AOAH: variants seen among roughly 807,000 people sequenced by gnomAD.
The protein encoded by AOAH is acyloxyacyl hydrolase (neutrophil).
Under a neutral mutation model 92.2 loss-of-function variants are expected in AOAH, and 64 were observed. The observed-to-expected ratio is 0.69, with a 90% confidence interval of 0.57 to 0.86. The LOEUF (loss-of-function observed/expected upper bound fraction) is 0.86, where lower values mean the gene tolerates loss of function less well. AOAH is among the 40% of genes least tolerant of loss of function. The probability of loss-of-function intolerance (pLI) is 0.00; values close to 1 mark genes in which losing one functional copy is unlikely to be tolerated. For synonymous variants in AOAH, 263 were observed against 254.5 expected (o/e 1.03, Z -0.32); for missense variants, 656 against 694.6 (o/e 0.94, Z 0.62).
At chr7:36,686,663 G>T in intron 2 of AOAH, 36 bp downstream of exon 2, 1 of 1,309,214 alleles carries the variant, frequency 7.6e-7, no homozygotes, top group South Asian at 1.7e-5. Context: ...GAGAGGACAA[G>T]CAGACCCTCA....
chr7:36,691,461 C>T (rs1797393767), intron 1 of AOAH, among the ~76,000 whole-genome samples: 1 of 152,134 alleles, frequency 6.6e-6, no homozygotes, highest in African/African-American at 2.4e-5. Context: ...CCCTTTCTTT[C>T]TTCTGCTTCC....
At chr7:36,701,271 G>A (rs1798015414) in intron 1 of AOAH, among the ~76,000 whole-genome samples, 2 of 151,878 alleles carry the variant, frequency 1.3e-5, no homozygotes, top group South Asian at 2.1e-4. Flanking sequence ...ATTGAATGGA[G>A]TGTTCTGTAG....
intron 1 of AOAH, among the ~76,000 whole-genome samples, chr7:36,719,851 A>G (rs1432654898): frequency 6.6e-6 from 1 of 152,020 alleles, no homozygotes; most frequent in Non-Finnish European, 1.5e-5. Context: ...TGGGAGGATC[A>G]CTAGAGCCTG....
At chr7:36,546,910 G>C (rs576518981) in intron 15 of AOAH, among the ~76,000 whole-genome samples, 1 of 152,282 alleles carries the variant, frequency 6.6e-6, no homozygotes, top group East Asian at 1.9e-4. Flanking sequence ...TTGGCACATC[G>C]TGGTGCTCAC....
At chr7:36,596,817 C>A (rs1323791906) in intron 11 of AOAH, among the ~76,000 whole-genome samples, 1 of 152,116 alleles carries the variant, frequency 6.6e-6, no homozygotes, top group African/African-American at 2.4e-5. Flanking sequence ...ATATGGCAGC[C>A]AAGGAAACTA....
chr7:36,683,707 AT>A (rs977489009), intron 2 of AOAH, among the ~76,000 whole-genome samples: 7 of 140,072 alleles, frequency 5.0e-5, no homozygotes, highest in Admixed American at 7.2e-5. Context: ...TAAGAAAAAA[AT>A]ATTGTGGTTC....
At position 36,513,292 on chromosome 7, in the gene AOAH, G is replaced by T; in HGVS notation, c.1688C>A (p.Pro563His). ...GTCTCCAAACACCTGTTTAATCTGG[G>T]GGTTGAACGGATTCTCCTTTCCCAG... ...QILGKENPFNPQIKQVFGDQG... is the reference protein window; with the variant it reads ...QILGKENPFNHQIKQVFGDQG... The change falls in exon 21 of 21, where the codon CCC becomes CAC. Residue 563 changes from proline to histidine, a missense_variant. Coordinates refer to ENST00000617537, the MANE Select transcript of AOAH (RefSeq NM_001637.4). The T allele has an allele frequency of 1.2e-6, 2 of 1,614,134 alleles. No homozygotes were observed. Among genetic ancestry groups the T allele is most frequent in the Non-Finnish European group, 1.7e-6 (2 of 1,180,016 alleles).
chr7:36,513,006 T>C lies in AOAH; in HGVS notation c.*246A>G, dbSNP rs75531845. On this transcript the variant is annotated 3_prime_UTR_variant, in exon 21 of 21. Coordinates refer to ENST00000617537, the MANE Select transcript of AOAH (RefSeq NM_001637.4). ...GGCACAGATACTCTCTTGTTTGGAA[T>C]GGCACCCAAAGCACTTTATGAAAGG... 7.9e-4 allele frequency: 1,184 copies of C among 1,506,268 alleles called. 6 individuals are homozygous for C. In the African/African-American group the frequency reaches 0.014, roughly 18 times the overall value. 93.3% of individuals were successfully genotyped at this position (1,506,268 alleles called of 1,614,324 possible). A position where few individuals can be genotyped will look rare whatever the true frequency, so the allele number is the denominator to read the frequency against.
At chr7:36,612,825 A>G (rs1163033429) in intron 11 of AOAH, among the ~76,000 whole-genome samples, 2 of 152,226 alleles carry the variant, frequency 1.3e-5, no homozygotes, top group Admixed American at 6.5e-5. Flanking sequence ...GCTGAAAATG[A>G]AACTTTTATA....
At chr7:36,553,708 G>T (rs1455332895) in intron 13 of AOAH, among the ~76,000 whole-genome samples, 2 of 151,928 alleles carry the variant, frequency 1.3e-5, no homozygotes, top group Non-Finnish European at 2.9e-5. Flanking sequence ...ATCTCATTGT[G>T]GTTTTGATTT....
At chr7:36,681,715 C>T (rs563785564) in intron 2 of AOAH, among the ~76,000 whole-genome samples, 58 of 152,156 alleles carry the variant, frequency 3.8e-4, no homozygotes, top group Middle Eastern at 6.8e-3. Flanking sequence ...GCAGGAGAAT[C>T]GCTTGAACCC....
At chr7:36,563,989 T>TA (rs1456314886) in intron 13 of AOAH, among the ~76,000 whole-genome samples, 1 of 152,190 alleles carries the variant, frequency 6.6e-6, no homozygotes, top group African/African-American at 2.4e-5. Flanking sequence ...AATGATTCTC[T>TA]AAAACATAGA....
intron 13 of AOAH, among the ~76,000 whole-genome samples, chr7:36,556,799 A>G (rs1258873470): frequency 7.0e-6 from 1 of 143,008 alleles, no homozygotes; most frequent in African/African-American, 2.6e-5. Context: ...AGAGACTAGG[A>G]TTGCAACCCC....
chr7:36,558,440 G>T (rs925276910), intron 13 of AOAH, among the ~76,000 whole-genome samples: 2 of 152,222 alleles, frequency 1.3e-5, no homozygotes, highest in African/African-American at 4.8e-5. Flanking sequence ...TCAGGGGTCA[G>T]GGACCTACTT....
At chr7:36,530,557 T>G in intron 18 of AOAH, 43 bp from the exon 19 acceptor site, 1 of 1,397,028 alleles carries the variant, frequency 7.2e-7, no homozygotes, top group South Asian at 1.2e-5. Context: ...AAATCTAGAC[T>G]TTGGCTTTAG....
Position 36,595,251 on chromosome 7 carries a change from C to A in AOAH, c.847-821G>T, listed in dbSNP as rs187238252. Among the ~76,000 whole-genome samples, 7 of 152,252 alleles carry A rather than the reference C, an allele frequency of 4.6e-5. No homozygotes were observed. The East Asian group carries it at 1.4e-3, about 29-fold the overall frequency. On this transcript the variant is annotated intron_variant, in intron 11 of 20. Coordinates refer to ENST00000617537, the MANE Select transcript of AOAH (RefSeq NM_001637.4). ...TTTAGCAAATAAAAATAAAGGGTAC[C>A]AGCCAGGTGCTGTGGCTTGTGCCAG...
At chr7:36,549,630 A>G (rs377063687) in intron 13 of AOAH, among the ~76,000 whole-genome samples, 155 bp from the exon 14 acceptor site, 4 of 152,198 alleles carry the variant, frequency 2.6e-5, no homozygotes, top group South Asian at 4.1e-4. Context: ...TTTTCTTCCA[A>G]TCAGTTTCTG....
At chr7:36,532,101 G>A (rs751333353) in intron 18 of AOAH, 46 bp downstream of exon 18, 3 of 1,606,136 alleles carry the variant, frequency 1.9e-6, no homozygotes, top group Non-Finnish European at 2.6e-6. Flanking sequence ...CAAACACAGG[G>A]AAAGAATGAT....
At chr7:36,652,935 A>G (rs140070165) in intron 4 of AOAH, among the ~76,000 whole-genome samples, 2 of 152,330 alleles carry the variant, frequency 1.3e-5, no homozygotes, top group Non-Finnish European at 2.9e-5. Flanking sequence ...GTGTAATCCA[A>G]ATAAAGTCTG....
Sources: gnomAD v4.1 joint callset for allele counts (sites outside exome capture counted in the v4.1 genomes callset) on GRCh38, gnomAD v4.1.1 for gene constraint, MANE v1.5 for transcripts, NCBI Gene and HGNC (gene_info 2026-07-23, HGNC 2026-07-21) for gene names.